The following RBFOX1 variants were observed in gnomAD, a reference collection of about 807,000 sequenced individuals.
RBFOX1 encodes the protein RNA binding fox-1 homolog 1.
Under a neutral mutation model 57.7 loss-of-function variants are expected in RBFOX1, and 8 were observed. The ratio of observed to expected loss-of-function variants is 0.14; its 90% CI spans 0.08 to 0.25. The LOEUF (loss-of-function observed/expected upper bound fraction) is 0.25. RBFOX1 is among the 10% of genes least tolerant of loss of function. The pLI is 1.00. For missense variants in RBFOX1, 611 were observed against 548.5 expected (o/e 1.11, Z -1.14); for synonymous variants, 326 against 222.4 (o/e 1.47, Z -4.15).
chr16:6,457,147 T>G (rs1198667455), intron 2 of RBFOX1, among the ~76,000 whole-genome samples: 1 of 152,084 alleles, frequency 6.6e-6, no homozygotes. Flanking sequence ...CAAGACGTCT[T>G]TGGACCCCAA....
chr16:6,267,316 A>C, intron 1 of RBFOX1, among the ~76,000 whole-genome samples: 1 of 152,230 alleles, frequency 6.6e-6, no homozygotes, highest in East Asian at 1.9e-4. Flanking sequence ...TCTTAGGTCA[A>C]TGAACTCTAC....
rs373301866 is a variant in RBFOX1 at position 6,120,911 on chromosome 16, G to C, written c.-127+100919G>C. Among the ~76,000 whole-genome samples the C allele has an allele frequency of 3.3e-5, 5 of 152,308 alleles. No homozygotes were observed. In the East Asian group the frequency reaches 5.8e-4, roughly 18 times the overall value. ...GGTGGGGGCTGGTGAAGAGAAGAGA[G>C]GAGAACGAAGTCTGGGGCTGTTGTG... On this transcript the variant is annotated intron_variant, in intron 1 of 15. Transcript: ENST00000550418.
chr16:7,244,455 G>A (rs757058871), intron 4 of RBFOX1, among the ~76,000 whole-genome samples: 1 of 152,098 alleles, frequency 6.6e-6, no homozygotes, highest in Admixed American at 6.6e-5. Flanking sequence ...TTGAGATCAA[G>A]TTTGGCCATC....
intron 3 of RBFOX1, among the ~76,000 whole-genome samples, chr16:5,721,411 A>G (rs548016189): frequency 6.6e-6 from 1 of 152,258 alleles, no homozygotes; most frequent in South Asian, 2.1e-4. Context: ...GTTGTCTGCA[A>G]GTAAAGATAT....
chr16:5,852,561 G>T (rs749047822), intron 3 of RBFOX1, among the ~76,000 whole-genome samples: 5 of 152,122 alleles, frequency 3.3e-5, no homozygotes, highest in Non-Finnish European at 7.3e-5. Context: ...GGCACCTTTG[G>T]GCAAGGCACG....
chr16:6,059,584 G>A (rs1166610764), intron 1 of RBFOX1, among the ~76,000 whole-genome samples: 1 of 151,790 alleles, frequency 6.6e-6, no homozygotes, highest in African/African-American at 2.4e-5. Context: ...CTATAGGGAG[G>A]AATGCATGTG....
chr16:7,511,531 T>C (rs1468999027), intron 4 of RBFOX1, among the ~76,000 whole-genome samples: 2 of 152,178 alleles, frequency 1.3e-5, no homozygotes, highest in African/African-American at 2.4e-5. Context: ...CAACACACTA[T>C]GCTAATAGTC....
At chr16:6,294,453 G>C (rs888361098) in intron 1 of RBFOX1, among the ~76,000 whole-genome samples, 5 of 152,168 alleles carry the variant, frequency 3.3e-5, no homozygotes, top group African/African-American at 1.2e-4. Flanking sequence ...TTATATAGAT[G>C]GGCCACTTAG....
chr16:6,501,189 T>A (rs1479392749), intron 2 of RBFOX1, among the ~76,000 whole-genome samples: 2 of 148,180 alleles, frequency 1.3e-5, no homozygotes, highest in Admixed American at 1.4e-4. Flanking sequence ...GTGCACAACG[T>A]GCAGGTTTGT....
At chr16:6,978,746 G>A (rs572715847) in intron 3 of RBFOX1, among the ~76,000 whole-genome samples, 2 of 152,318 alleles carry the variant, frequency 1.3e-5, no homozygotes, top group African/African-American at 2.4e-5. Context: ...AGAAGGATTC[G>A]AACCCCAGAT....
Position 6,142,152 on chromosome 16 carries a change from A to G in RBFOX1, c.-127+122160A>G, listed in dbSNP as rs138448324. Reference sequence around the variant, plus strand: ...ATTTCTCTAAAAAATCAGCTTTTCTATATAACCCCCTTCAGAGATCCTTGT... The same window carrying G: ...ATTTCTCTAAAAAATCAGCTTTTCTGTATAACCCCCTTCAGAGATCCTTGT... On this transcript the variant is annotated intron_variant, in intron 1 of 15. Transcript: ENST00000550418. Among the ~76,000 whole-genome samples, 757 of 140,742 alleles carry G rather than the reference A, an allele frequency of 5.4e-3. 6 individuals carry two copies. The highest frequency in any genetic ancestry group is 0.021 in the East Asian group (99 of 4,770). The allele number at this position is 140,742 out of a possible 152,430, so 92.3% of individuals were successfully genotyped here. A position where few individuals can be genotyped will look rare whatever the true frequency, so the allele number is the denominator to read the frequency against.
intron 4 of RBFOX1, among the ~76,000 whole-genome samples, chr16:7,256,942 C>G (rs1381474501): frequency 6.6e-6 from 1 of 152,242 alleles, no homozygotes; most frequent in South Asian, 2.1e-4. Flanking sequence ...GGGAAACAGC[C>G]TTTCTGTTTC....
chr16:6,942,927 G>A (rs1263150469), intron 3 of RBFOX1, among the ~76,000 whole-genome samples: 1 of 152,170 alleles, frequency 6.6e-6, no homozygotes, highest in East Asian at 1.9e-4. Context: ...GACAGGGCTC[G>A]CATTGGAGAT....
chr16:7,030,209 A>C (rs1345725486), intron 3 of RBFOX1, among the ~76,000 whole-genome samples: 1 of 152,204 alleles, frequency 6.6e-6, no homozygotes, highest in African/African-American at 2.4e-5. Flanking sequence ...TGGTTGGATC[A>C]TGATAGAGAA....
intron 1 of RBFOX1, among the ~76,000 whole-genome samples, chr16:6,279,395 C>T (rs148655265): frequency 1.3e-5 from 2 of 152,318 alleles, no homozygotes; most frequent in East Asian, 3.9e-4. Flanking sequence ...GATTCCTGAG[C>T]ATGAGACGTT....
At chr16:5,592,045 C>G in intron 2 of RBFOX1, among the ~76,000 whole-genome samples, 1 of 152,100 alleles carries the variant, frequency 6.6e-6, no homozygotes. Context: ...AATATATTGC[C>G]TTATTTGCAT....
intron 4 of RBFOX1, among the ~76,000 whole-genome samples, chr16:7,202,043 C>A (rs1053721084): frequency 6.6e-6 from 1 of 152,002 alleles, no homozygotes; most frequent in Non-Finnish European, 1.5e-5. Flanking sequence ...GAAGATCCTC[C>A]CATGGTCTTT....
At position 7,005,660 on chromosome 16, in the gene RBFOX1, A is replaced by G. The variant is rs150851444; in HGVS notation, c.-15-46397A>G. On this transcript the variant is annotated intron_variant, in intron 3 of 15. Transcript: ENST00000550418. Reference sequence around the variant, plus strand: ...TGGTGTTGCCTGTTGAACACAAACAATTTCATAGAATATCAGCATCAGACA... The same window carrying G: ...TGGTGTTGCCTGTTGAACACAAACAGTTTCATAGAATATCAGCATCAGACA... Among the ~76,000 whole-genome samples the G allele has an allele frequency of 2.3e-3, 345 of 152,276 alleles. 3 individuals are homozygous for G. The highest frequency in any genetic ancestry group is 7.2e-3 in the African/African-American group (299 of 41,564).
intron 2 of RBFOX1, among the ~76,000 whole-genome samples, chr16:6,495,407 A>C (rs1363082871): frequency 6.8e-6 from 1 of 148,046 alleles, no homozygotes; most frequent in Non-Finnish European, 1.5e-5. Context: ...CTAATATTAC[A>C]GGCTTGAGCT....
Sources: allele counts gnomAD v4.1 joint callset (sites outside exome capture counted in the v4.1 genomes callset), GRCh38; gene constraint gnomAD v4.1.1; transcripts MANE v1.5; gene names NCBI Gene and HGNC (gene_info 2026-07-23, HGNC 2026-07-21).